Variants in UBE3C observed in about 807,000 individuals in gnomAD.
The protein encoded by UBE3C is ubiquitin-protein ligase E3C.
A neutral mutation model predicts 129.4 loss-of-function variants in UBE3C; 42 were observed. That is an observed-to-expected ratio of 0.32 (90% CI 0.25 to 0.42). The LOEUF (loss-of-function observed/expected upper bound fraction) is 0.42, where lower values mean the gene tolerates loss of function less well. Among genes scored for constraint, UBE3C ranks in the 10% least tolerant of loss-of-function variants. UBE3C has a pLI of 1.00. For missense variants in UBE3C, 1,049 were observed against 1,319.1 expected (o/e 0.80, Z 3.17); for synonymous variants, 510 against 492.4 (o/e 1.04, Z -0.47).
At position 157,153,177 on chromosome 7, in the gene UBE3C, G is replaced by C. The variant is rs369161781; in HGVS notation, c.67-10633G>C. On this transcript the variant is annotated intron_variant, in intron 1 of 22. Transcript: ENST00000348165. Reference sequence around the variant, plus strand: ...CGCACCACTTCACTTCAGCCTGGATGAAAGAGTGGGACTCCCTCTCAAAAA... The same window carrying C: ...CGCACCACTTCACTTCAGCCTGGATCAAAGAGTGGGACTCCCTCTCAAAAA... Among the ~76,000 whole-genome samples the C allele has an allele frequency of 1.2e-4, 18 of 152,252 alleles. No homozygotes were observed. In the East Asian group the frequency reaches 2.9e-3, roughly 25 times the overall value.
rs138499835 is a variant in UBE3C at position 157,245,685 on chromosome 7, G to A, written c.2482-2683G>A. ...AGGACATAATACTTTGGTTTACCTGGCAGAGGCCAGCCGCAGTCTTCCTGG... is the reference window on the plus strand; with the variant it reads ...AGGACATAATACTTTGGTTTACCTGACAGAGGCCAGCCGCAGTCTTCCTGG... On this transcript the variant is annotated intron_variant, in intron 18 of 22. Coordinates refer to ENST00000348165, the MANE Select transcript of UBE3C (RefSeq NM_014671.3). Among the ~76,000 whole-genome samples the A allele has an allele frequency of 1.4e-3, 218 of 152,248 alleles. 5 individuals are homozygous for A. The East Asian group carries it at 0.037, about 26-fold the overall frequency.
intron 4 of UBE3C, among the ~76,000 whole-genome samples, chr7:157,173,487 T>C (rs1808435636): frequency 6.6e-6 from 1 of 152,226 alleles, no homozygotes; most frequent in Non-Finnish European, 1.5e-5. Context: ...AATGCCACTT[T>C]TGATGGGTTT....
intron 6 of UBE3C, among the ~76,000 whole-genome samples, chr7:157,179,542 C>T (rs1439982006): frequency 6.6e-6 from 1 of 152,116 alleles, no homozygotes; most frequent in Non-Finnish European, 1.5e-5. Context: ...AGTATAAATC[C>T]TAACACAAAA....
chr7:157,209,305 T>C (rs1241346426), intron 13 of UBE3C, among the ~76,000 whole-genome samples: 1 of 152,238 alleles, frequency 6.6e-6, no homozygotes, highest in African/African-American at 2.4e-5. Flanking sequence ...TGATAATGTT[T>C]TGATTGCACT....
At chr7:157,145,867 A>AT (rs1217532225) in intron 1 of UBE3C, among the ~76,000 whole-genome samples, 1 of 152,166 alleles carries the variant, frequency 6.6e-6, no homozygotes, top group African/African-American at 2.4e-5. Context: ...TGTTATTTAC[A>AT]TCTTGTATCT....
rs1302005912 is a variant in UBE3C, at chr7:157,223,013, TGTA to T, written c.2003-238_2003-236del. The T allele has an allele frequency of 1.4e-5, 6 of 420,492 alleles. No homozygotes were observed. The Admixed American group carries it at 1.9e-4, about 13-fold the overall frequency. The allele number at this position is 420,492 out of a possible 1,614,324, so 26.0% of individuals were successfully genotyped here. Reference sequence around the variant, plus strand: ...ACGTGCTAGACAGCTGGAGTGGAAGTGTAGTCCTTGATTAGGACATCTTTAATA... The same window carrying T: ...ACGTGCTAGACAGCTGGAGTGGAAGTGTCCTTGATTAGGACATCTTTAATA... On this transcript the variant is annotated intron_variant, in intron 15 of 22. Coordinates refer to ENST00000348165, the MANE Select transcript of UBE3C (RefSeq NM_014671.3).
At position 157,256,946 on chromosome 7, in the gene UBE3C, G is replaced by C; in HGVS notation, c.2983G>C (p.Val995Leu). Residue 995 changes from valine (V) to leucine (L), a missense_variant, in exon 22 of 23, where the codon GTC (valine) becomes CTC (leucine). Val to Leu is a conservative substitution (Grantham distance 32). Coordinates refer to ENST00000348165, the MANE Select transcript of UBE3C (RefSeq NM_014671.3). Reference sequence around the variant, plus strand: ...TTCTGCAGACCATCCTGTTATTAAGGTCTTCTGGAGAGTTGTGGAAGGGTT... The same window carrying C: ...TTCTGCAGACCATCCTGTTATTAAGCTCTTCTGGAGAGTTGTGGAAGGGTT... Reference protein sequence around the residue: ...GYSADHPVIKVFWRVVEGFTD... With the variant: ...GYSADHPVIKLFWRVVEGFTD... The C allele has an allele frequency of 6.2e-7, 1 of 1,614,162 alleles. No individual in the cohort carries two copies. Among genetic ancestry groups the C allele is most frequent in the Non-Finnish European group, 8.5e-7 (1 of 1,180,016 alleles).
intron 22 of UBE3C, among the ~76,000 whole-genome samples, chr7:157,265,765 C>T (rs1797060592): frequency 6.6e-6 from 1 of 152,160 alleles, no homozygotes; most frequent in Non-Finnish European, 1.5e-5. Flanking sequence ...TCTGGGAGCA[C>T]TTAAGACGCT....
At chr7:157,215,042 G>A (rs905017457) in intron 13 of UBE3C, among the ~76,000 whole-genome samples, 2 of 152,292 alleles carry the variant, frequency 1.3e-5, no homozygotes, top group South Asian at 2.1e-4. Context: ...GAAGAAGGAC[G>A]GTATTTCCAT....
At chr7:157,188,614 C>T (rs1178822012) in intron 10 of UBE3C, among the ~76,000 whole-genome samples, 1 of 152,178 alleles carries the variant, frequency 6.6e-6, no homozygotes, top group Non-Finnish European at 1.5e-5. Context: ...ACTAGAGAAC[C>T]GCTTCCAAAA....
intron 18 of UBE3C, among the ~76,000 whole-genome samples, chr7:157,244,691 A>G (rs1330168658): frequency 6.6e-6 from 1 of 152,228 alleles, no homozygotes; most frequent in Non-Finnish European, 1.5e-5. Flanking sequence ...ATAGAGCCAC[A>G]ATTTGCATTA....
At chr7:157,209,382 ATTTAT>A (rs1277010986) in intron 13 of UBE3C, among the ~76,000 whole-genome samples, 1 of 152,216 alleles carries the variant, frequency 6.6e-6, no homozygotes, top group Non-Finnish European at 1.5e-5. Context: ...TGTTTGCACA[ATTTAT>A]TTTAATTACC....
At position 157,207,892 on chromosome 7, in the gene UBE3C, A is replaced by G; in HGVS notation, c.1766A>G (p.Gln589Arg). 6.2e-7 allele frequency: 1 copy of G among 1,612,036 alleles called. No homozygotes were observed. The highest frequency in any genetic ancestry group is 1.1e-5 in the South Asian group (1 of 90,670). The change falls in exon 13 of 23, where the codon CAA (glutamine) becomes CGA (arginine). Residue 589 changes from glutamine to arginine, a missense_variant. This residue lies in a region of UBE3C where 314 missense variants were observed against 416.9 expected (regional missense o/e 0.75). Transcript: ENST00000348165. ...IGVTTSSEMQ[Q>R]CIQMEQKRWI... ...GTTACTACTAGCTCTGAAATGCAACAATGCATACAGATGGAACAGAAAAGA... is the reference window on the plus strand; with the variant it reads ...GTTACTACTAGCTCTGAAATGCAACGATGCATACAGATGGAACAGAAAAGA...
intron 4 of UBE3C, among the ~76,000 whole-genome samples, chr7:157,174,641 A>G (rs974729877): frequency 2.6e-5 from 4 of 152,002 alleles, no homozygotes; most frequent in African/African-American, 9.7e-5. Context: ...TTTTGTAGAG[A>G]CAGGGTTTCA....
At chr7:157,244,047 G>A (rs1048844332) in intron 18 of UBE3C, among the ~76,000 whole-genome samples, 3 of 152,034 alleles carry the variant, frequency 2.0e-5, no homozygotes, top group Non-Finnish European at 4.4e-5. Flanking sequence ...CCTGGCCAAC[G>A]TGGGGAAACC....
intron 22 of UBE3C, among the ~76,000 whole-genome samples, chr7:157,259,955 A>T (rs1283541018): frequency 6.6e-6 from 1 of 152,202 alleles, no homozygotes; most frequent in African/African-American, 2.4e-5. Context: ...AGGTGGAAAG[A>T]AGTGAGGCCT....
chr7:157,162,206 C>G (rs765426112), intron 1 of UBE3C, among the ~76,000 whole-genome samples: 73 of 150,466 alleles, frequency 4.9e-4, no homozygotes, highest in Non-Finnish European at 8.9e-4. Flanking sequence ...ATTTTTTTTT[C>G]TTTTTTGAGA....
chr7:157,169,240 A>C, intron 3 of UBE3C, 118 bp downstream of exon 3: 1 of 667,718 alleles, frequency 1.5e-6, no homozygotes, highest in African/African-American at 1.8e-5. Context: ...CTTCCCAATA[A>C]ATAATTTTAT....
chr7:157,227,231 C>A (rs1345129183), intron 17 of UBE3C, among the ~76,000 whole-genome samples: 1 of 151,982 alleles, frequency 6.6e-6, no homozygotes. Context: ...GAAGGGCCTT[C>A]CAAGAGGCAG....
Sources: allele counts gnomAD v4.1 joint callset (sites outside exome capture counted in the v4.1 genomes callset), GRCh38; gene constraint gnomAD v4.1.1; regional missense constraint gnomAD v4.1.1; transcripts MANE v1.5; gene names NCBI Gene and HGNC (gene_info 2026-07-23, HGNC 2026-07-21).